SOD2: variants seen among roughly 807,000 people sequenced by gnomAD.
SOD2 encodes the protein superoxide dismutase 2.
A neutral mutation model predicts 27.0 loss-of-function variants in SOD2; 11 were observed. The ratio of observed to expected loss-of-function variants is 0.41; its 90% confidence interval spans 0.26 to 0.67. SOD2 has a LOEUF of 0.67. Among genes scored for constraint, SOD2 ranks in the 30% least tolerant of loss-of-function variants. The probability of loss-of-function intolerance (pLI) is 0.34; values close to 1 mark genes in which losing one functional copy is unlikely to be tolerated. For synonymous variants in SOD2, 105 were observed against 103.0 expected, an observed-to-expected ratio of 1.02 and a Z score of -0.12; for missense variants, 250 against 274.5, an observed-to-expected ratio of 0.91 and a Z score of 0.63.
chr6:159,710,573 A>C (rs1369340933), intron 1 of SOD2, among the ~76,000 whole-genome samples: 1 of 152,134 alleles, frequency 6.6e-6, no homozygotes, highest in African/African-American at 2.4e-5. Flanking sequence ...AACTCCCATA[A>C]GTGCACTGCT....
intron 1 of SOD2, among the ~76,000 whole-genome samples, chr6:159,702,239 G>A (rs1369702841): frequency 1.3e-5 from 2 of 152,008 alleles, no homozygotes; most frequent in African/African-American, 2.4e-5. Context: ...AGGATCCCTT[G>A]AAGCCAGGAG....
At chr6:159,708,090 A>C (rs1777661773) in intron 1 of SOD2, among the ~76,000 whole-genome samples, 1 of 152,232 alleles carries the variant, frequency 6.6e-6, no homozygotes, top group Non-Finnish European at 1.5e-5. Flanking sequence ...AAAAACTCTC[A>C]ATAAATTAGG....
upstream of SOD2, among the ~76,000 whole-genome samples, chr6:159,697,034 G>GACACACACACACACACACACAC (rs35334577): frequency 3.8e-5 from 5 of 132,722 alleles, no homozygotes; most frequent in African/African-American, 5.6e-5. Context: ...AGGAGACCCT[G>GACACACACACACACACACACAC]ACACACACAC....
Position 159,727,290 on chromosome 6 carries a change from C to T in SOD2, c.-277G>A, listed in dbSNP as rs1482785450. The T allele has an allele frequency of 1.6e-5, 21 of 1,281,688 alleles. No homozygotes were observed. The South Asian group carries it at 1.9e-4, about 11-fold the overall frequency. 79.4% of individuals were successfully genotyped at this position (1,281,688 alleles called of 1,614,324 possible). ...CCTTTCCTCTCCTGGCGGGGTTCGG[C>T]GGCGGGCGAGTGACTGCGGCCACGC... is the stretch of plus-strand genomic sequence containing the variant. On this transcript the variant is annotated 5_prime_UTR_variant, in exon 1 of 3. Coordinates refer to the SOD2 transcript ENST00000401980.
chr6:159,693,593 C>T (rs369954371), upstream of SOD2, among the ~76,000 whole-genome samples: 1 of 152,182 alleles, frequency 6.6e-6, no homozygotes, highest in African/African-American at 2.4e-5. Context: ...CTGAGGGTGC[C>T]GGCGGGGATC....
At chr6:159,728,284 T>G (rs545668821), upstream of SOD2, among the ~76,000 whole-genome samples, 1 of 152,316 alleles carries the variant, frequency 6.6e-6, no homozygotes, top group African/African-American at 2.4e-5. Context: ...TTTTTCACCG[T>G]TTTTCATAAG....
chr6:159,704,961 G>A (rs1366024829), intron 1 of SOD2, among the ~76,000 whole-genome samples: 1 of 152,224 alleles, frequency 6.6e-6, no homozygotes, highest in African/African-American at 2.4e-5. Context: ...AACATTTGCT[G>A]TTCAGCAATA....
intron 1 of SOD2, among the ~76,000 whole-genome samples, chr6:159,757,376 C>T (rs996690392): frequency 1.3e-5 from 2 of 151,912 alleles, no homozygotes; most frequent in African/African-American, 4.8e-5. Flanking sequence ...ATGTTAAATA[C>T]TGCACTGTCT....
intron 1 of SOD2, among the ~76,000 whole-genome samples, chr6:159,707,496 C>G (rs1028497200): frequency 6.6e-6 from 1 of 152,168 alleles, no homozygotes; most frequent in Non-Finnish European, 1.5e-5. Flanking sequence ...CACCTCTACA[C>G]AAATAAACTA....
intron 1 of SOD2, among the ~76,000 whole-genome samples, chr6:159,703,080 C>T (rs964032364): frequency 2.0e-5 from 3 of 151,868 alleles, no homozygotes; most frequent in Non-Finnish European, 2.9e-5. Flanking sequence ...TTTTGAAGGC[C>T]GAGGTGGGCA....
intron 1 of SOD2, chr6:159,743,585 C>A: frequency 7.4e-7 from 1 of 1,342,482 alleles, no homozygotes; most frequent in Non-Finnish European, 1.0e-6. Flanking sequence ...ATTTTTTGAC[C>A]CTAGTTCTTA....
chr6:159,705,062 G>T (rs1302656289), intron 1 of SOD2, among the ~76,000 whole-genome samples: 1 of 152,114 alleles, frequency 6.6e-6, no homozygotes, highest in Non-Finnish European at 1.5e-5. Flanking sequence ...GCAGCTGAGG[G>T]TCCTGTTAGA....
intron 1 of SOD2, among the ~76,000 whole-genome samples, chr6:159,700,446 C>T (rs910270657): frequency 1.3e-5 from 2 of 151,938 alleles, no homozygotes; most frequent in South Asian, 4.2e-4. Context: ...CAAGGTCAGG[C>T]GATCGAGACC....
intron 1 of SOD2, among the ~76,000 whole-genome samples, chr6:159,704,875 C>G (rs189347828): frequency 2.3e-4 from 35 of 152,190 alleles, no homozygotes; most frequent in Admixed American, 9.8e-4. Context: ...AGGCACCCCC[C>G]AGTAGGGGCA....
chr6:159,713,001 C>G, intron 1 of SOD2: 1 of 636,510 alleles, frequency 1.6e-6, no homozygotes. Flanking sequence ...GCAGCAAACT[C>G]AACATCTGCC....
intron 1 of SOD2, chr6:159,755,766 T>TC: frequency 6.5e-6 from 1 of 154,912 alleles, no homozygotes; most frequent in Non-Finnish European, 9.3e-6. Context: ...TTTTCTTTTC[T>TC]TTTTTTTTTT....
At chr6:159,762,053 G>A in exon 1 of SOD2, 1 of 1,610,322 alleles carries the variant, frequency 6.2e-7, no homozygotes, top group South Asian at 1.1e-5. Flanking sequence ...CTAGCTTGCA[G>A]GCAGCGCAGG....
chr6:159,721,675 C>CTTT (rs55950207), intron 1 of SOD2, among the ~76,000 whole-genome samples: 1 of 82,252 alleles, frequency 1.2e-5, no homozygotes, highest in South Asian at 5.6e-4. Context: ...TGCGGCTGAC[C>CTTT]TTTTTTTTTT....
chr6:159,726,837 G>C (rs951601945), intron 1 of SOD2: 26 of 1,289,082 alleles, frequency 2.0e-5, no homozygotes, highest in Admixed American at 1.1e-4. Context: ...CGGTTTCTAA[G>C]TTCTCAAAAC....
Sources: allele counts gnomAD v4.1 joint callset (sites outside exome capture counted in the v4.1 genomes callset), GRCh38; gene constraint gnomAD v4.1.1; transcripts MANE v1.5; gene names NCBI Gene and HGNC (gene_info 2026-07-23, HGNC 2026-07-21).